Variants in MCPH1 observed in about 807,000 individuals in gnomAD.
The protein encoded by MCPH1 is microcephalin.
In MCPH1, 104 loss-of-function variants were observed where a neutral mutation model predicts 84.5. The ratio of observed to expected loss-of-function variants is 1.23; its 90% confidence interval spans 1.05 to 1.45. The LOEUF is 1.45. MCPH1 is among the 40% of genes most tolerant of loss of function. The pLI, the probability that MCPH1 is intolerant of heterozygous loss-of-function variation, is 0.00. For missense variants in MCPH1, 1,498 were observed against 1,005.7 expected, an observed-to-expected ratio of 1.49 and a Z score of -6.62; for synonymous variants, 514 against 366.8, an observed-to-expected ratio of 1.40 and a Z score of -4.58.
At chr8:6,471,717 T>TC (rs1807744332) in intron 9 of MCPH1, among the ~76,000 whole-genome samples, 1 of 152,194 alleles carries the variant, frequency 6.6e-6, no homozygotes. Context: ...GAAATCCTCT[T>TC]CCCCTGGTGG....
At position 6,505,299 on chromosome 8, in the gene MCPH1, ATAT is replaced by A. The variant is rs1563305829; in HGVS notation, c.2214+5371_2214+5373del. Among the ~76,000 whole-genome samples the A allele has an allele frequency of 6.5e-5, 6 of 91,776 alleles. 2 individuals carry two copies. The highest frequency in any genetic ancestry group is 4.0e-4 in the African/African-American group (6 of 14,904). 60.2% of individuals were successfully genotyped at this position (91,776 alleles called of 152,430 possible). A position where few individuals can be genotyped will look rare whatever the true frequency, so the allele number is the denominator to read the frequency against. On this transcript the variant is annotated intron_variant, in intron 12 of 13. Transcript: ENST00000344683. ...ATACATATATATGTTATATACATAT[ATAT>A]GTATATAACATATATATGTTATATA... is the stretch of plus-strand genomic sequence containing the variant.
At chr8:6,481,706 A>G (rs1004113645) in intron 11 of MCPH1, among the ~76,000 whole-genome samples, 4 of 152,236 alleles carry the variant, frequency 2.6e-5, no homozygotes, top group African/African-American at 4.8e-5. Flanking sequence ...GGTTAAAGAG[A>G]TTAGTGCTTC....
intron 12 of MCPH1, among the ~76,000 whole-genome samples, chr8:6,580,875 T>C (rs1446830491): frequency 6.6e-6 from 1 of 152,234 alleles, no homozygotes; most frequent in Admixed American, 6.5e-5. Flanking sequence ...TACTGATTCA[T>C]AGTCAATGAT....
At chr8:6,540,843 G>C (rs2922872) in intron 12 of MCPH1, among the ~76,000 whole-genome samples, 5 of 152,196 alleles carry the variant, frequency 3.3e-5, no homozygotes, top group Non-Finnish European at 5.9e-5. Context: ...AGGGTGGTTC[G>C]CACACGTGGA....
chr8:6,509,098 G>A (rs1586224580), intron 12 of MCPH1: 1 of 1,602,470 alleles, frequency 6.2e-7, no homozygotes, highest in East Asian at 2.2e-5. Context: ...ACATTGGCTA[G>A]GGTCATTGAT....
chr8:6,499,051 C>CA (rs1395488255), intron 11 of MCPH1, among the ~76,000 whole-genome samples: 1 of 144,912 alleles, frequency 6.9e-6, no homozygotes, highest in Non-Finnish European at 1.5e-5. Context: ...GAGTTTGTCT[C>CA]AAAAAATAAA....
intron 12 of MCPH1, among the ~76,000 whole-genome samples, chr8:6,549,259 C>T (rs760646796): frequency 5.9e-5 from 9 of 152,152 alleles, no homozygotes; most frequent in Non-Finnish European, 1.2e-4. Context: ...TGTTATACAG[C>T]GAAACACTGC....
rs570814112 is a variant in MCPH1 at position 6,552,685 on chromosome 8, A to C, written c.2214+52756A>C. Among the ~76,000 whole-genome samples the C allele has an allele frequency of 4.6e-5, 7 of 152,336 alleles. No homozygotes were observed. The South Asian group carries it at 1.5e-3, about 32-fold the overall frequency. On this transcript the variant is annotated intron_variant, in intron 12 of 13. Transcript: ENST00000344683. ...TGCTAGCCATCATCTTATTTGAAAC[A>C]CATAATAACCCTACAAGTTCACTGA...
At chr8:6,455,288 T>C (rs749181500) in intron 9 of MCPH1, 36 bp downstream of exon 9, 2 of 1,337,904 alleles carry the variant, frequency 1.5e-6, no homozygotes, top group African/African-American at 2.9e-5. Context: ...AACTTTCAAA[T>C]GCTGATACAT....
chr8:6,478,793 T>G (rs1808807746), intron 10 of MCPH1, among the ~76,000 whole-genome samples: 2 of 152,228 alleles, frequency 1.3e-5, no homozygotes, highest in African/African-American at 4.8e-5. Context: ...TTAATTATTT[T>G]TCTTGACTCA....
At chr8:6,496,525 GC>G (rs1157842445) in intron 11 of MCPH1, among the ~76,000 whole-genome samples, 2 of 125,524 alleles carry the variant, frequency 1.6e-5, no homozygotes, top group Admixed American at 8.2e-5. Context: ...AAGCCCCCCC[GC>G]CCCCCTTCCC....
At chr8:6,455,338 C>G in intron 9 of MCPH1, 86 bp downstream of exon 9, 3 of 961,388 alleles carry the variant, frequency 3.1e-6, no homozygotes, top group Middle Eastern at 2.3e-4. Context: ...ATAAACCAGT[C>G]TATCTGACTT....
chr8:6,621,246 C>A, intron 12 of MCPH1: 1 of 614,652 alleles, frequency 1.6e-6, no homozygotes, highest in Non-Finnish European at 2.8e-6. Context: ...TGGAGTTTTA[C>A]GCATGGCTAC....
Position 6,583,007 on chromosome 8 carries a change from C to T in MCPH1, c.2215-38447C>T, listed in dbSNP as rs549588681. Among the ~76,000 whole-genome samples the T allele has an allele frequency of 8.5e-5, 13 of 152,302 alleles. No individual in the cohort carries two copies. The South Asian group carries it at 1.0e-3, about 12-fold the overall frequency. The stretch of plus-strand genomic sequence containing the variant: ...ACGTACTTACTCTGCACATAGTCGG[C>T]GGTGAGGTATTCATCACATTGAAAT... On this transcript the variant is annotated intron_variant, in intron 12 of 13. Transcript: ENST00000344683.
intron 13 of MCPH1, among the ~76,000 whole-genome samples, chr8:6,640,875 A>G (rs572042112): frequency 1.3e-5 from 2 of 152,176 alleles, no homozygotes; most frequent in Non-Finnish European, 2.9e-5. Context: ...GTTGTTTTTA[A>G]TAACTAATTT....
At chr8:6,409,797 A>T (rs1354594771) in intron 2 of MCPH1, among the ~76,000 whole-genome samples, 1 of 152,208 alleles carries the variant, frequency 6.6e-6, no homozygotes, top group Non-Finnish European at 1.5e-5. Context: ...CATAGGGGTC[A>T]TGTGAAGTCA....
chr8:6,513,730 C>T (rs746146171), intron 12 of MCPH1: 12 of 1,613,672 alleles, frequency 7.4e-6, no homozygotes, highest in South Asian at 4.4e-5. Flanking sequence ...AATGAGTAAG[C>T]CTCATTCCCT....
intron 12 of MCPH1, among the ~76,000 whole-genome samples, chr8:6,555,257 C>G (rs1376384905): frequency 6.6e-6 from 1 of 152,074 alleles, no homozygotes; most frequent in African/African-American, 2.4e-5. Flanking sequence ...CGTTTTCAAA[C>G]TCTAATAGTG....
chr8:6,589,064 C>T (rs1466066173), intron 12 of MCPH1, among the ~76,000 whole-genome samples: 6 of 152,154 alleles, frequency 3.9e-5, no homozygotes, highest in African/African-American at 1.4e-4. Flanking sequence ...AACAAAAGTA[C>T]AAAATTATTA....
Sources: gnomAD v4.1 joint callset for allele counts (sites outside exome capture counted in the v4.1 genomes callset) on GRCh38, gnomAD v4.1.1 for gene constraint, MANE v1.5 for transcripts, NCBI Gene and HGNC (gene_info 2026-07-23, HGNC 2026-07-21) for gene names.